The following ABCB11 variants were observed in gnomAD, a reference collection of about 807,000 sequenced individuals.
ABCB11 encodes the protein ATP binding cassette subfamily B member 11.
Under a neutral mutation model 148.0 loss-of-function variants are expected in ABCB11, and 95 were observed. That is an observed-to-expected ratio of 0.64 (90% CI 0.54 to 0.76). The LOEUF (loss-of-function observed/expected upper bound fraction) is 0.76. Among genes scored for constraint, ABCB11 ranks in the 30% least tolerant of loss-of-function variants. The pLI is 0.00. For synonymous variants in ABCB11, 591 were observed against 555.4 expected, an observed-to-expected ratio of 1.06 and a Z score of -0.90; for missense variants, 1,523 against 1,617.8, an observed-to-expected ratio of 0.94 and a Z score of 1.01.
rs1205653279 is a variant in ABCB11, at chr2:168,990,874, C to T, written c.835G>A (p.Val279Met). 6.2e-7 allele frequency: 1 copy of T among 1,613,244 alleles called. No homozygotes were observed. ...YELKAYAKAG[V>M]VADEVISSMR... is the part of the protein sequence containing the mutation. ...GATGAAATGACTTCATCAGCCACCA[C>T]CCCTGCTTTGGCATAGGCCTTCAGC... is the stretch of plus-strand genomic sequence containing the variant. Residue 279 changes from valine to methionine, a missense_variant, in exon 9 of 28, where the codon GTG (valine) becomes ATG (methionine). By Grantham distance (21) the Val-to-Met change is conservative (BLOSUM62 1). Coordinates refer to ENST00000650372, the MANE Select transcript of ABCB11 (RefSeq NM_003742.4).
intron 18 of ABCB11, among the ~76,000 whole-genome samples, chr2:168,962,247 C>T (rs773909009): frequency 2.6e-5 from 4 of 151,618 alleles, no homozygotes; most frequent in Non-Finnish European, 5.9e-5. Context: ...CTAGAGAGAA[C>T]GTAAAGTCAC....
chr2:168,960,563 T>C (rs1055714008), intron 18 of ABCB11, among the ~76,000 whole-genome samples: 1 of 151,698 alleles, frequency 6.6e-6, no homozygotes, highest in African/African-American at 2.4e-5. Flanking sequence ...TCTTGTCTAG[T>C]GGTTTTCATT....
chr2:168,961,341 C>A (rs1372043533), intron 18 of ABCB11, among the ~76,000 whole-genome samples: 1 of 151,660 alleles, frequency 6.6e-6, no homozygotes, highest in Non-Finnish European at 1.5e-5. Flanking sequence ...AGGTTCCCTG[C>A]CCTAATAATA....
intron 16 of ABCB11, among the ~76,000 whole-genome samples, chr2:168,968,790 C>CAAA (rs4148788): frequency 0.035 from 5,201 of 148,312 alleles, 170 homozygotes; most frequent in African/African-American, 0.084. Flanking sequence ...TCAGAAGTAG[C>CAAA]AAAAAAAAAA....
chr2:168,973,942 T>C (rs1301507533), intron 12 of ABCB11, 102 bp from the exon 13 acceptor site: 2 of 1,356,532 alleles, frequency 1.5e-6, no homozygotes, highest in East Asian at 2.4e-5. Flanking sequence ...TCGGTGTCTG[T>C]GTGTGCGTTT....
At chr2:168,915,860 G>A (rs1273281820), downstream of ABCB11, among the ~76,000 whole-genome samples, 5 of 152,162 alleles carry the variant, frequency 3.3e-5, no homozygotes, top group Non-Finnish European at 5.9e-5. Context: ...TTGCTTTCCA[G>A]CCTCTGTAAT....
chr2:169,009,087 G>A (rs1037833511), intron 5 of ABCB11, among the ~76,000 whole-genome samples: 2 of 152,152 alleles, frequency 1.3e-5, no homozygotes, highest in African/African-American at 4.8e-5. Context: ...CAGTCAGAAA[G>A]CAGATTAGTG....
chr2:169,018,264 T>G, intron 1 of ABCB11, 112 bp from the exon 2 acceptor site: 1 of 951,888 alleles, frequency 1.1e-6, no homozygotes, highest in Admixed American at 2.6e-5. Context: ...TACTAATCAA[T>G]CTCAGACAAA....
At position 168,935,362 on chromosome 2, in the gene ABCB11, T is replaced by C. The variant is rs776042962; in HGVS notation, c.2878A>G (p.Ile960Val). 1.2e-6 allele frequency: 2 copies of C among 1,613,792 alleles called. No individual in the cohort carries two copies. The highest frequency in any genetic ancestry group is 1.3e-5 in the African/African-American group (1 of 74,944). Residue 960 changes from isoleucine (I) to valine (V), a missense_variant, in exon 23 of 28, where the codon ATT (isoleucine) becomes GTT (valine). Transcript: ENST00000650372. ...VAGIGKERRFIEALETELEKP... is the reference protein window; with the variant it reads ...VAGIGKERRFVEALETELEKP... ...TCCAGCTCAGTCTCAAGTGCTTCAA[T>C]GAACCGCCTCTCCTTTCCAATTCCA...
At chr2:168,947,676 G>A (rs997074434) in intron 19 of ABCB11, among the ~76,000 whole-genome samples, 2 of 151,762 alleles carry the variant, frequency 1.3e-5, no homozygotes, top group African/African-American at 4.8e-5. Flanking sequence ...TGATAATTAT[G>A]CAAAGAGACA....
chr2:168,935,932 G>A (rs1691799538), intron 22 of ABCB11, among the ~76,000 whole-genome samples: 1 of 152,142 alleles, frequency 6.6e-6, no homozygotes, highest in Admixed American at 6.5e-5. Context: ...ATCCACCCCT[G>A]CAAATGAGAG....
chr2:168,987,603 T>C (rs1213781401), intron 9 of ABCB11, among the ~76,000 whole-genome samples: 1 of 152,108 alleles, frequency 6.6e-6, no homozygotes, highest in Non-Finnish European at 1.5e-5. Flanking sequence ...TTAATTTCTG[T>C]ATTTTTTTGT....
At chr2:169,006,856 C>A (rs202215538) in intron 5 of ABCB11, among the ~76,000 whole-genome samples, 3 of 152,170 alleles carry the variant, frequency 2.0e-5, no homozygotes, top group Admixed American at 2.0e-4. Flanking sequence ...CAAAAAATTG[C>A]AAAATATTCT....
intron 13 of ABCB11, among the ~76,000 whole-genome samples, chr2:168,972,276 A>C (rs911282046): frequency 2.9e-4 from 44 of 152,076 alleles, no homozygotes; most frequent in African/African-American, 1.0e-3. Flanking sequence ...GATGTAAATA[A>C]AGTTCACTTA....
rs1558901186 is a variant in ABCB11 at position 168,975,551 on chromosome 2, ACATAAATATT to A, written c.1308+1016_1308+1025del. On this transcript the variant is annotated intron_variant, in intron 12 of 27. Coordinates refer to ENST00000650372, the MANE Select transcript of ABCB11 (RefSeq NM_003742.4). ...TATATTTATAGATAAATATATAAATACATAAATATTTTTATATTTATAGATAAATATATAA... is the reference window on the plus strand; with the variant it reads ...TATATTTATAGATAAATATATAAATATTTATATTTATAGATAAATATATAA... 3.7e-4 allele frequency among the ~76,000 whole-genome samples: 8 copies of A among 21,354 alleles called. 2 individuals carry two copies. The highest frequency in any genetic ancestry group is 6.4e-3 in the East Asian group (2 of 314). 14.0% of individuals were successfully genotyped at this position (21,354 alleles called of 152,430 possible).
At chr2:168,970,601 G>C (rs1172105781) in intron 14 of ABCB11, 7 of 323,616 alleles carry the variant, frequency 2.2e-5, no homozygotes, top group Middle Eastern at 1.1e-3. Flanking sequence ...TAATGCAAAG[G>C]CTGTTTTTAC....
rs758447827 is a variant in ABCB11 at position 168,935,165 on chromosome 2, T to A, written c.3056+19A>T. The A allele has an allele frequency of 6.2e-7, 1 of 1,613,088 alleles. No individual in the cohort carries two copies. The highest frequency in any genetic ancestry group is 2.2e-5 in the East Asian group (1 of 44,866). ...CCTTGTGTGTTGATCTTTTCTCACC[T>A]TGGCTAGATATTCCTCACCTGAACA... On this transcript the variant is annotated intron_variant, in intron 23 of 27. Transcript: ENST00000650372.
At chr2:168,933,550 A>T (rs1383024250) in intron 23 of ABCB11, among the ~76,000 whole-genome samples, 1 of 152,178 alleles carries the variant, frequency 6.6e-6, no homozygotes, top group Non-Finnish European at 1.5e-5. Flanking sequence ...GGGATAAGGG[A>T]TGTGTCTTTG....
intron 21 of ABCB11, among the ~76,000 whole-genome samples, chr2:168,939,681 A>T (rs956099891): frequency 6.6e-6 from 1 of 152,080 alleles, no homozygotes; most frequent in Non-Finnish European, 1.5e-5. Flanking sequence ...TATAAATATA[A>T]AAAAAGAAAA....
Sources: gnomAD v4.1 joint callset for allele counts (sites outside exome capture counted in the v4.1 genomes callset) on GRCh38, gnomAD v4.1.1 for gene constraint, MANE v1.5 for transcripts, NCBI Gene and HGNC (gene_info 2026-07-23, HGNC 2026-07-21) for gene names.